POU2AF2: variants seen among roughly 807,000 people sequenced by gnomAD.
POU2AF2 encodes POU domain class 2-associating factor 2.
chr11:111,286,012 G>C, the POU2AF2 span: 4 of 1,613,920 alleles, frequency 2.5e-6, no homozygotes, highest in Non-Finnish European at 3.4e-6. Flanking sequence ...AAGAAGATGG[G>C]AGTATTGCCT....
the POU2AF2 span, among the ~76,000 whole-genome samples, chr11:111,285,081 T>C: frequency 5.9e-5 from 9 of 152,332 alleles, no homozygotes; most frequent in African/African-American, 2.2e-4. Context: ...TTTATGAAAG[T>C]CCCATTTTAC....
At chr11:111,264,439 T>A in the POU2AF2 span, among the ~76,000 whole-genome samples, 3 of 149,704 alleles carry the variant, frequency 2.0e-5, no homozygotes, top group Non-Finnish European at 4.4e-5. Context: ...GAGGTTGCAG[T>A]GAGGCGAGAT....
chr11:111,280,676 A>G, the POU2AF2 span, among the ~76,000 whole-genome samples: 2 of 152,198 alleles, frequency 1.3e-5, no homozygotes, highest in Non-Finnish European at 2.9e-5. Context: ...GTATTTCACA[A>G]TGGCCCGAAA....
the POU2AF2 span, among the ~76,000 whole-genome samples, chr11:111,270,291 G>A: frequency 6.6e-6 from 1 of 152,160 alleles, no homozygotes; most frequent in African/African-American, 2.4e-5. Flanking sequence ...ATAAATTAAT[G>A]TTTTTGTGGC....
At chr11:111,256,174 C>T in the POU2AF2 span, 3 of 398,242 alleles carry the variant, frequency 7.5e-6, no homozygotes, top group Non-Finnish European at 1.3e-5. Context: ...CACCTACTTC[C>T]TGGGTCTGGT....
chr11:111,276,454 A>T, the POU2AF2 span, among the ~76,000 whole-genome samples: 3 of 19,072 alleles, frequency 1.6e-4, no homozygotes, highest in African/African-American at 4.3e-4. Context: ...AAAAAAAAAA[A>T]TATATATATA....
chr11:111,246,630 C>T, the POU2AF2 span, among the ~76,000 whole-genome samples: 1 of 152,120 alleles, frequency 6.6e-6, no homozygotes, highest in East Asian at 1.9e-4. Flanking sequence ...ATAGAAAGAG[C>T]TCTAAGAGCA....
At chr11:111,280,051 A>ATATATATATAT in the POU2AF2 span, among the ~76,000 whole-genome samples, 3 of 63,954 alleles carry the variant, frequency 4.7e-5, no homozygotes, top group African/African-American at 8.8e-5. Flanking sequence ...AAAAAAAAAA[A>ATATATATATAT]AAAAAAATAT....
At chr11:111,260,043 A>G in the POU2AF2 span, among the ~76,000 whole-genome samples, 2 of 152,338 alleles carry the variant, frequency 1.3e-5, no homozygotes, top group East Asian at 3.9e-4. Context: ...TGCATTAGTC[A>G]TTGACTCTTG....
the POU2AF2 span, among the ~76,000 whole-genome samples, chr11:111,283,403 G>A: frequency 7.0e-6 from 1 of 142,690 alleles, no homozygotes; most frequent in East Asian, 2.0e-4. Flanking sequence ...GCTGGGCCCT[G>A]GTGAGTTGAG....
the POU2AF2 span, among the ~76,000 whole-genome samples, chr11:111,261,638 T>C: frequency 6.6e-6 from 1 of 152,094 alleles, no homozygotes; most frequent in African/African-American, 2.4e-5. Flanking sequence ...GTTGGGGAGA[T>C]GGGGAAGTGT....
chr11:111,269,506 T>C, the POU2AF2 span, among the ~76,000 whole-genome samples: 1 of 152,190 alleles, frequency 6.6e-6, no homozygotes, highest in Non-Finnish European at 1.5e-5. Context: ...AGCTGCTCTA[T>C]TGGTTCTGCA....
the POU2AF2 span, among the ~76,000 whole-genome samples, chr11:111,263,710 C>T: frequency 6.6e-6 from 1 of 152,236 alleles, no homozygotes; most frequent in East Asian, 1.9e-4. Context: ...GGATTACAGG[C>T]GTGAGCCACT....
chr11:111,280,057 A>AAAAAAATATATATATATAT, the POU2AF2 span, among the ~76,000 whole-genome samples: 2 of 76,474 alleles, frequency 2.6e-5, no homozygotes, highest in Non-Finnish European at 5.1e-5. Flanking sequence ...AAAAAAAAAA[A>AAAAAAATATATATATATAT]ATATATATAT....
chr11:111,254,954 A>T, the POU2AF2 span, among the ~76,000 whole-genome samples: 1 of 152,220 alleles, frequency 6.6e-6, no homozygotes, highest in East Asian at 1.9e-4. Flanking sequence ...GTTAGAAAAC[A>T]TCTTAGAATT....
At chr11:111,275,247 T>A in the POU2AF2 span, among the ~76,000 whole-genome samples, 1 of 152,150 alleles carries the variant, frequency 6.6e-6, no homozygotes, top group African/African-American at 2.4e-5. Context: ...AAACTGGATC[T>A]TACATAATAC....
At chr11:111,282,824 A>G in the POU2AF2 span, among the ~76,000 whole-genome samples, 2 of 152,156 alleles carry the variant, frequency 1.3e-5, no homozygotes, top group Admixed American at 6.5e-5. Context: ...TTAGCATTAG[A>G]TCACACCCAA....
the POU2AF2 span, among the ~76,000 whole-genome samples, chr11:111,273,989 G>GT: frequency 6.6e-6 from 1 of 152,150 alleles, no homozygotes; most frequent in Non-Finnish European, 1.5e-5. Context: ...GCTCTTCAAT[G>GT]TTAATTTCAA....
chr11:111,251,777 A>T, the POU2AF2 span, among the ~76,000 whole-genome samples: 1 of 152,136 alleles, frequency 6.6e-6, no homozygotes, highest in East Asian at 1.9e-4. Flanking sequence ...CTAAAATAAG[A>T]TCTCTTTGAG....
Sources: gnomAD v4.1 joint callset for allele counts (sites outside exome capture counted in the v4.1 genomes callset) on GRCh38, gnomAD v4.1.1 for gene constraint, MANE v1.5 for transcripts, NCBI Gene and HGNC (gene_info 2026-07-23, HGNC 2026-07-21) for gene names.